The following IQCM variants were observed in gnomAD, a reference collection of about 807,000 sequenced individuals.
IQCM encodes the protein IQ motif containing M.
A neutral mutation model predicts 57.6 loss-of-function variants in IQCM; 45 were observed. That is an observed-to-expected ratio of 0.78 (90% confidence interval 0.62 to 1.00). IQCM has a LOEUF of 1.00. Ranked by LOEUF, IQCM falls within the 50% of genes least tolerant of loss-of-function variation. The pLI, the probability that IQCM is intolerant of heterozygous loss-of-function variation, is 0.00. For missense variants in IQCM, 468 were observed against 511.6 expected (o/e 0.91, Z 0.82); for synonymous variants, 148 against 158.9 (o/e 0.93, Z 0.51).
intron 13 of IQCM, among the ~76,000 whole-genome samples, chr4:149,363,184 C>A (rs776494862): frequency 2.0e-5 from 3 of 152,118 alleles, no homozygotes; most frequent in East Asian, 1.9e-4. Context: ...CAGGAGAGGG[C>A]CTTCTGCCTT....
At chr4:149,606,785 A>G (rs997719955) in intron 8 of IQCM, among the ~76,000 whole-genome samples, 5 of 152,212 alleles carry the variant, frequency 3.3e-5, no homozygotes, top group Non-Finnish European at 7.3e-5. Context: ...AGAATGCACT[A>G]GAGTCCCTCA....
At chr4:149,553,516 A>G (rs1220297052) in intron 10 of IQCM, among the ~76,000 whole-genome samples, 2 of 152,226 alleles carry the variant, frequency 1.3e-5, no homozygotes, top group Non-Finnish European at 2.9e-5. Flanking sequence ...CCCATAGAAT[A>G]GAGCTTCCAA....
intron 8 of IQCM, among the ~76,000 whole-genome samples, chr4:149,610,882 GT>G (rs1755220309): frequency 6.6e-6 from 1 of 152,000 alleles, no homozygotes; most frequent in Non-Finnish European, 1.5e-5. Context: ...ATCATATTAA[GT>G]TAAAAAGCTG....
chr4:149,443,597 T>C (rs1457396013), intron 12 of IQCM, among the ~76,000 whole-genome samples: 1 of 150,594 alleles, frequency 6.6e-6, no homozygotes, highest in Non-Finnish European at 1.5e-5. Flanking sequence ...AAATACTAAG[T>C]CTTGTTAAAA....
intron 12 of IQCM, among the ~76,000 whole-genome samples, chr4:149,478,874 A>G (rs1740485310): frequency 6.6e-6 from 1 of 152,208 alleles, no homozygotes; most frequent in Non-Finnish European, 1.5e-5. Flanking sequence ...GTATAGGTTA[A>G]TGATGACTGA....
chr4:149,713,370 A>G (rs1367648233), intron 5 of IQCM, among the ~76,000 whole-genome samples: 1 of 152,148 alleles, frequency 6.6e-6, no homozygotes, highest in African/African-American at 2.4e-5. Flanking sequence ...ATCTTGTTTG[A>G]GAAAACACAA....
intron 2 of IQCM, among the ~76,000 whole-genome samples, chr4:149,752,733 G>A (rs1320881252): frequency 6.6e-6 from 1 of 152,172 alleles, no homozygotes; most frequent in Admixed American, 6.5e-5. Flanking sequence ...GCAACCTGGA[G>A]TTCAGCTCCA....
In IQCM at chr4:149,726,120, AAAGAAAGAAAGAAAGAAAGAAAAG is replaced by A. The variant is rs1561203848; in HGVS notation, c.385+7100_385+7123del. Among the ~76,000 whole-genome samples, 8 of 148,132 alleles carry A rather than the reference AAAGAAAGAAAGAAAGAAAGAAAAG, an allele frequency of 5.4e-5. No homozygotes were observed. In the South Asian group the frequency reaches 1.3e-3, roughly 24 times the overall value. On this transcript the variant is annotated intron_variant, in intron 5 of 13. Transcript: ENST00000636793. The stretch of plus-strand genomic sequence containing the variant: ...GAAAGAAAGAAAGAAAGAAAGAAAG[AAAGAAAGAAAGAAAGAAAGAAAAG>A]AAAGAAAGAAAGAATTTCATTTTTT...
intron 13 of IQCM, among the ~76,000 whole-genome samples, chr4:149,399,132 C>T (rs575020829): frequency 6.6e-6 from 1 of 152,040 alleles, no homozygotes; most frequent in Non-Finnish European, 1.5e-5. Context: ...TAGTTTCATA[C>T]TTATGAATAG....
At chr4:149,596,769 C>G (rs1413299169) in intron 8 of IQCM, among the ~76,000 whole-genome samples, 1 of 152,000 alleles carries the variant, frequency 6.6e-6, no homozygotes, top group African/African-American at 2.4e-5. Flanking sequence ...AATCTGGGCC[C>G]CCACCAAAAA....
intron 12 of IQCM, among the ~76,000 whole-genome samples, chr4:149,524,899 A>G (rs1232946076): frequency 1.3e-5 from 2 of 151,736 alleles, no homozygotes; most frequent in Non-Finnish European, 3.0e-5. Flanking sequence ...ATAATAAATT[A>G]AAAATTTCCT....
intron 12 of IQCM, among the ~76,000 whole-genome samples, chr4:149,506,930 T>C (rs569892229): frequency 2.7e-4 from 41 of 152,272 alleles, no homozygotes; most frequent in Admixed American, 2.4e-3. Flanking sequence ...ACCCAGCTGA[T>C]AAGGTTGGCT....
intron 5 of IQCM, among the ~76,000 whole-genome samples, chr4:149,693,176 G>A (rs1187980957): frequency 1.3e-5 from 2 of 152,068 alleles, no homozygotes; most frequent in African/African-American, 4.8e-5. Context: ...TGACAATTTT[G>A]CCTTTCTCCT....
chr4:149,555,264 G>C (rs751137871), intron 10 of IQCM, among the ~76,000 whole-genome samples: 3 of 151,864 alleles, frequency 2.0e-5, no homozygotes, highest in Non-Finnish European at 4.4e-5. Flanking sequence ...TGCACTTTTG[G>C]CACATTCCCT....
intron 12 of IQCM, among the ~76,000 whole-genome samples, chr4:149,536,320 T>G (rs1747291501): frequency 6.6e-6 from 1 of 152,156 alleles, no homozygotes; most frequent in South Asian, 2.1e-4. Context: ...CGTATTTTAG[T>G]CAGCAGTTTT....
intron 7 of IQCM, among the ~76,000 whole-genome samples, chr4:149,672,984 T>C (rs1468804372): frequency 6.6e-6 from 1 of 152,098 alleles, no homozygotes. Flanking sequence ...CATTATTAAA[T>C]AAAATAATTT....
At position 149,622,297 on chromosome 4, in the gene IQCM, A is replaced by T. The variant is rs540881850; in HGVS notation, c.566-1053T>A. ...AGGCAAAATCTCTAGAAGAGGCAAC[A>T]CAATCATATATTTCAATCACAATCC... On this transcript the variant is annotated intron_variant, in intron 7 of 13. Coordinates refer to ENST00000636793, the MANE Select transcript of IQCM (RefSeq NM_001363507.2). 1.1e-4 allele frequency among the ~76,000 whole-genome samples: 17 copies of T among 152,142 alleles called. No homozygotes were observed. In the South Asian group the frequency reaches 3.5e-3, roughly 32 times the overall value.
At chr4:149,397,761 GT>G (rs773452226) in intron 13 of IQCM, among the ~76,000 whole-genome samples, 7 of 151,432 alleles carry the variant, frequency 4.6e-5, no homozygotes, top group Non-Finnish European at 8.8e-5. Flanking sequence ...GTTATTAGGG[GT>G]TTTTTTTCTT....
chr4:149,541,634 A>T (rs34126891), intron 12 of IQCM, among the ~76,000 whole-genome samples: 6,918 of 152,138 alleles, frequency 0.045, 363 homozygotes, highest in African/African-American at 0.13. Context: ...TCATGTTTGC[A>T]TATTCTGCAG....
Sources: allele counts gnomAD v4.1 joint callset (sites outside exome capture counted in the v4.1 genomes callset), GRCh38; gene constraint gnomAD v4.1.1; transcripts MANE v1.5; gene names NCBI Gene and HGNC (gene_info 2026-07-23, HGNC 2026-07-21).